The following CUZD1 variants were observed in gnomAD, a reference collection of about 807,000 sequenced individuals.
The protein encoded by CUZD1 is CUB and zona pellucida like domains 1, also known as CUB and zona pellucida-like domain-containing protein 1.
Under a neutral mutation model 53.1 loss-of-function variants are expected in CUZD1, and 42 were observed. The observed-to-expected ratio is 0.79, with a 90% CI of 0.62 to 1.02. CUZD1 has a LOEUF of 1.02. CUZD1 is among the 50% of genes least tolerant of loss of function. The probability of loss-of-function intolerance (pLI) is 0.00; values close to 1 mark genes in which losing one functional copy is unlikely to be tolerated. For missense variants in CUZD1, 670 were observed against 715.7 expected (o/e 0.94, Z 0.73); for synonymous variants, 238 against 257.2 (o/e 0.93, Z 0.71).
chr10:122,839,359 C>T (rs2133815945), intron 2 of CUZD1, 128 bp from the exon 3 acceptor site: 1 of 752,474 alleles, frequency 1.3e-6, no homozygotes, highest in African/African-American at 1.8e-5. Flanking sequence ...TTAAACCTCT[C>T]CAAGACCAAT....
chr10:122,832,519 T>C, intron 8 of CUZD1, 69 bp from the exon 9 acceptor site: 1 of 1,395,420 alleles, frequency 7.2e-7, no homozygotes, highest in Non-Finnish European at 1.0e-6. Context: ...TGGTAGCTTT[T>C]ATAATACCTG....
intron 1 of CUZD1, among the ~76,000 whole-genome samples, chr10:122,842,618 G>A (rs2133818168): frequency 6.6e-6 from 1 of 152,192 alleles, no homozygotes; most frequent in South Asian, 2.1e-4. Flanking sequence ...ATAAATTTTA[G>A]AGTCAGCATG....
chr10:122,833,570 A>G (rs1402347567), intron 8 of CUZD1, 102 bp downstream of exon 8: 5 of 1,240,392 alleles, frequency 4.0e-6, no homozygotes, highest in African/African-American at 3.0e-5. Flanking sequence ...TAAAGCTACT[A>G]TTATAAATCT....
At chr10:122,844,541 T>A (rs1383493409) in intron 1 of CUZD1, among the ~76,000 whole-genome samples, 1 of 152,090 alleles carries the variant, frequency 6.6e-6, no homozygotes, top group Non-Finnish European at 1.5e-5. Flanking sequence ...GAAAAATAAC[T>A]GGATCCTAAA....
chr10:122,832,511 G>T, intron 8 of CUZD1, 61 bp from the exon 9 acceptor site: 1 of 1,505,730 alleles, frequency 6.6e-7, no homozygotes, highest in Non-Finnish European at 9.2e-7. Flanking sequence ...TAAAATGTTG[G>T]TAGCTTTTAT....
At chr10:122,844,117 C>T (rs1847394180) in intron 1 of CUZD1, among the ~76,000 whole-genome samples, 1 of 151,746 alleles carries the variant, frequency 6.6e-6, no homozygotes, top group African/African-American at 2.4e-5. Context: ...CAGCCTCAAA[C>T]TACTGGGCTC....
chr10:122,845,736 G>T (rs750817728), intron 1 of CUZD1, 26 bp downstream of exon 1: 6 of 1,604,816 alleles, frequency 3.7e-6, no homozygotes, highest in Non-Finnish European at 5.1e-6. Context: ...CTGTTTTGGT[G>T]AATAAATCTG....
chr10:122,835,968 C>A (rs181777895), intron 6 of CUZD1, among the ~76,000 whole-genome samples: 5 of 152,224 alleles, frequency 3.3e-5, no homozygotes, highest in East Asian at 1.9e-4. Flanking sequence ...AGATAACTAT[C>A]CCCCACTTAT....
intron 2 of CUZD1, 129 bp downstream of exon 2, chr10:122,841,049 T>A (rs1244529184): frequency 2.4e-6 from 2 of 849,484 alleles, no homozygotes; most frequent in African/African-American, 3.4e-5. Context: ...ACCATCATCA[T>A]CACGATGGTT....
intron 6 of CUZD1, 49 bp downstream of exon 6, chr10:122,836,129 A>G: frequency 6.6e-7 from 1 of 1,517,848 alleles, no homozygotes. Context: ...GCATTGCTCA[A>G]CATGCACTCA....
chr10:122,837,209 C>T, intron 4 of CUZD1, 161 bp from the exon 5 acceptor site: 1 of 831,314 alleles, frequency 1.2e-6, no homozygotes, highest in Non-Finnish European at 1.8e-6. Context: ...TAGTCTCTGA[C>T]AAGGACCTCA....
Position 122,836,893 on chromosome 10 carries a change from G to A in CUZD1, c.755C>T (p.Ala252Val), listed in dbSNP as rs1566232524. ...AGCAGAAAATCCCCGGTAAGAATTG[G>A]CATAATCTGTAGACAACACGACAGT... ...SLTVVLSTDY[A>V]NSYRGFSASY... The change falls in exon 5 of 9, where the codon GCC becomes GTC. Residue 252 changes from alanine to valine, a missense_variant. By Grantham distance (64) the Ala-to-Val change is moderately conservative. Transcript: ENST00000392790. 6.2e-7 allele frequency: 1 copy of A among 1,614,092 alleles called. No homozygotes were observed. Among genetic ancestry groups the A allele is most frequent in the Non-Finnish European group, 8.5e-7 (1 of 1,179,978 alleles).
At chr10:122,838,822 G>A (rs1390141442) in intron 3 of CUZD1, among the ~76,000 whole-genome samples, 195 bp downstream of exon 3, 1 of 152,080 alleles carries the variant, frequency 6.6e-6, no homozygotes, top group African/African-American at 2.4e-5. Flanking sequence ...TCTGTGATGG[G>A]GTCCAGGATC....
intron 8 of CUZD1, among the ~76,000 whole-genome samples, chr10:122,832,662 C>T (rs1385041255): frequency 2.0e-5 from 3 of 151,726 alleles, no homozygotes; most frequent in African/African-American, 7.3e-5. Flanking sequence ...AAATTGTTGA[C>T]TTGGTTTGAT....
At chr10:122,839,267 C>A in intron 2 of CUZD1, 36 bp from the exon 3 acceptor site, 1 of 1,594,428 alleles carries the variant, frequency 6.3e-7, no homozygotes, top group South Asian at 1.1e-5. Flanking sequence ...GAAGAAGTGT[C>A]ACAAGCAAAG....
In CUZD1 at chr10:122,832,220, G is replaced by T; in HGVS notation, c.*58C>A. Reference sequence around the variant, plus strand: ...TATTCATAATATGTGTAGCCACGAGGTAGCATTTCCTTTGGCATCCTGGAG... The same window carrying T: ...TATTCATAATATGTGTAGCCACGAGTTAGCATTTCCTTTGGCATCCTGGAG... On this transcript the variant is annotated 3_prime_UTR_variant, in exon 9 of 9. Coordinates refer to ENST00000392790, the MANE Select transcript of CUZD1 (RefSeq NM_022034.6). 1.3e-6 allele frequency: 2 copies of T among 1,560,928 alleles called. No individual in the cohort carries two copies. The highest frequency in any genetic ancestry group is 1.1e-5 in the South Asian group (1 of 87,708).
intron 6 of CUZD1, among the ~76,000 whole-genome samples, 181 bp from the exon 7 acceptor site, chr10:122,835,278 G>GT (rs760553100): frequency 2.0e-5 from 3 of 152,178 alleles, no homozygotes; most frequent in Non-Finnish European, 4.4e-5. Flanking sequence ...AGGAAAGAAA[G>GT]TATGAGATGA....
chr10:122,842,402 C>T (rs1028046987), intron 1 of CUZD1, among the ~76,000 whole-genome samples: 1 of 152,192 alleles, frequency 6.6e-6, no homozygotes, highest in Non-Finnish European at 1.5e-5. Flanking sequence ...ATTGCCTTTG[C>T]ACCTTTGTCA....
chr10:122,844,082 G>A (rs1454359147), intron 1 of CUZD1, among the ~76,000 whole-genome samples: 1 of 151,336 alleles, frequency 6.6e-6, no homozygotes, highest in African/African-American at 2.4e-5. Flanking sequence ...ATACTGGATT[G>A]AGATGGCACA....
Sources: allele counts gnomAD v4.1 joint callset (sites outside exome capture counted in the v4.1 genomes callset), GRCh38; gene constraint gnomAD v4.1.1; transcripts MANE v1.5; gene names NCBI Gene and HGNC (gene_info 2026-07-23, HGNC 2026-07-21).